The following PTPRK variants were observed in gnomAD, a reference collection of about 807,000 sequenced individuals.
PTPRK encodes receptor-type tyrosine-protein phosphatase kappa.
A neutral mutation model predicts 178.0 loss-of-function variants in PTPRK; 75 were observed. That is an observed-to-expected ratio of 0.42 (90% CI 0.35 to 0.51). The LOEUF (loss-of-function observed/expected upper bound fraction) is 0.51. PTPRK is among the 20% of genes least tolerant of loss of function. PTPRK has a pLI of 0.02. For missense variants in PTPRK, 1,441 were observed against 1,797.8 expected (o/e 0.80, Z 3.59); for synonymous variants, 637 against 620.6 (o/e 1.03, Z -0.39).
At chr6:127,973,931 T>G (rs1412281159) in intron 27 of PTPRK, 104 bp from the exon 28 acceptor site, 1 of 1,088,376 alleles carries the variant, frequency 9.2e-7, no homozygotes, top group Admixed American at 2.7e-5. Flanking sequence ...TACACTGGAT[T>G]GAGTCTAGCT....
intron 13 of PTPRK, among the ~76,000 whole-genome samples, chr6:128,058,709 TA>T (rs1262791067): frequency 1.3e-5 from 2 of 152,048 alleles, no homozygotes; most frequent in East Asian, 1.9e-4. Context: ...CCTTGCCTAT[TA>T]TTTTTTTAAA....
chr6:128,105,285 C>T (rs915384231), intron 7 of PTPRK, among the ~76,000 whole-genome samples: 2 of 152,164 alleles, frequency 1.3e-5, no homozygotes, highest in Admixed American at 6.5e-5. Context: ...AGGCGCCCGC[C>T]ACCACGCCCT....
intron 7 of PTPRK, among the ~76,000 whole-genome samples, chr6:128,162,247 A>T (rs1798811969): frequency 6.6e-6 from 1 of 151,668 alleles, no homozygotes; most frequent in Admixed American, 6.6e-5. Flanking sequence ...ATGTGTTGCT[A>T]AAAATGTATG....
chr6:128,458,146 C>A (rs1279726086), intron 1 of PTPRK, among the ~76,000 whole-genome samples: 1 of 152,096 alleles, frequency 6.6e-6, no homozygotes, highest in African/African-American at 2.4e-5. Flanking sequence ...CCATCTCTTA[C>A]TTTAGTGGCA....
chr6:128,194,884 ACACTATC>A (rs1174509694), intron 6 of PTPRK, among the ~76,000 whole-genome samples: 1 of 152,220 alleles, frequency 6.6e-6, no homozygotes, highest in Admixed American at 6.5e-5. Flanking sequence ...GAGTACAATA[ACACTATC>A]CACATTCATT....
intron 1 of PTPRK, among the ~76,000 whole-genome samples, chr6:128,473,926 A>C (rs1039045168): frequency 2.0e-5 from 3 of 152,074 alleles, no homozygotes; most frequent in African/African-American, 7.2e-5. Flanking sequence ...ACAAAAACAA[A>C]ACCTGACATA....
chr6:128,353,234 T>G (rs1263120005), intron 2 of PTPRK, among the ~76,000 whole-genome samples: 1 of 152,170 alleles, frequency 6.6e-6, no homozygotes, highest in African/African-American at 2.4e-5. Flanking sequence ...CAAATGCTGG[T>G]GAAGATGGAT....
intron 1 of PTPRK, 90 bp from the exon 2 acceptor site, chr6:128,397,778 A>C: frequency 8.0e-7 from 1 of 1,248,578 alleles, no homozygotes. Context: ...ATTGATATAT[A>C]TAATGTTACT....
Position 128,029,701 on chromosome 6 carries a change from T to A in PTPRK, c.2195-20433A>T, listed in dbSNP as rs149063234. Among the ~76,000 whole-genome samples, 28 of 150,308 alleles carry A rather than the reference T, an allele frequency of 1.9e-4. No individual in the cohort carries two copies. In the East Asian group the frequency reaches 4.9e-3, roughly 26 times the overall value. The stretch of plus-strand genomic sequence containing the variant: ...ATAATAATAATAATCCAGCCTCACA[T>A]ATTACTTTATAGCAATGCAAGGACT... On this transcript the variant is annotated intron_variant, in intron 13 of 29. Transcript: ENST00000368226.
At chr6:128,366,674 G>T (rs1018930645) in intron 2 of PTPRK, among the ~76,000 whole-genome samples, 8 of 152,110 alleles carry the variant, frequency 5.3e-5, no homozygotes, top group Non-Finnish European at 1.2e-4. Flanking sequence ...CAGAGACTGT[G>T]ACAACAATGC....
At chr6:128,064,873 A>C (rs1427493385) in intron 12 of PTPRK, 79 bp from the exon 13 acceptor site, 1 of 1,445,546 alleles carries the variant, frequency 6.9e-7, no homozygotes, top group East Asian at 2.5e-5. Flanking sequence ...ATTATTATGA[A>C]GATCCATCTG....
At chr6:128,419,514 C>G (rs1843222221) in intron 1 of PTPRK, among the ~76,000 whole-genome samples, 1 of 151,452 alleles carries the variant, frequency 6.6e-6, no homozygotes, top group Admixed American at 6.6e-5. Context: ...GAGGCTGAGG[C>G]AGGAGAATGG....
intron 3 of PTPRK, among the ~76,000 whole-genome samples, chr6:128,315,106 C>G (rs1245579142): frequency 1.3e-5 from 2 of 152,002 alleles, no homozygotes; most frequent in African/African-American, 4.8e-5. Flanking sequence ...CTTTGTAAGC[C>G]TTACATTACT....
At chr6:128,101,173 A>G (rs1185469248) in intron 7 of PTPRK, among the ~76,000 whole-genome samples, 1 of 152,060 alleles carries the variant, frequency 6.6e-6, no homozygotes, top group Non-Finnish European at 1.5e-5. Context: ...AGATTATTTC[A>G]TGTTTGTTCT....
chr6:128,394,157 A>G (rs767746512), intron 2 of PTPRK, among the ~76,000 whole-genome samples: 1 of 152,156 alleles, frequency 6.6e-6, no homozygotes, highest in African/African-American at 2.4e-5. Context: ...CTCCCTTAAG[A>G]TTGTGTTTGC....
chr6:128,366,528 C>T (rs1835512363), intron 2 of PTPRK, among the ~76,000 whole-genome samples: 1 of 152,088 alleles, frequency 6.6e-6, no homozygotes, highest in African/African-American at 2.4e-5. Context: ...GGTTACACAT[C>T]TCAGACATGC....
chr6:128,482,098 T>C (rs1852167504), intron 1 of PTPRK, among the ~76,000 whole-genome samples: 1 of 152,142 alleles, frequency 6.6e-6, no homozygotes, highest in South Asian at 2.1e-4. Flanking sequence ...TGGTTGTTTG[T>C]TTTTAGGACT....
At chr6:128,306,471 T>C (rs1270209269) in intron 3 of PTPRK, among the ~76,000 whole-genome samples, 3 of 152,064 alleles carry the variant, frequency 2.0e-5, no homozygotes, top group Non-Finnish European at 4.4e-5. Context: ...CACTTTACTA[T>C]GACAAAGAGG....
At position 127,973,751 on chromosome 6, in the gene PTPRK, T is replaced by C. The variant is rs967998403; in HGVS notation, c.4046A>G (p.Lys1349Arg). The C allele has an allele frequency of 6.2e-7, 1 of 1,614,060 alleles. No homozygotes were observed. Among genetic ancestry groups the C allele is most frequent in the Non-Finnish European group, 8.5e-7 (1 of 1,179,934 alleles). Residue 1349 changes from lysine to arginine, a missense_variant, in exon 28 of 30, where the codon AAA becomes AGA. This residue lies in a region of PTPRK where 335 missense variants were observed against 512.4 expected (regional missense o/e 0.65). Coordinates refer to ENST00000368226, the MANE Select transcript of PTPRK (RefSeq NM_002844.4). ...AAGTATCAGTTTCAAGAATGACCTT[T>C]TGGATCCAGGCACTTCTCGATGAGA... is the stretch of plus-strand genomic sequence containing the variant. ...WASHREVPGS[K>R]RSFLKLILQV...
Sources: gnomAD v4.1 joint callset for allele counts (sites outside exome capture counted in the v4.1 genomes callset) on GRCh38, gnomAD v4.1.1 for gene constraint, gnomAD v4.1.1 regional missense constraint, MANE v1.5 for transcripts, NCBI Gene and HGNC (gene_info 2026-07-23, HGNC 2026-07-21) for gene names.